Variants in PEX7 observed in about 807,000 individuals in gnomAD.
PEX7 encodes peroxisomal biogenesis factor 7.
Under a neutral mutation model 47.5 loss-of-function variants are expected in PEX7, and 34 were observed. That is an observed-to-expected ratio of 0.72 (90% CI 0.54 to 0.95). The LOEUF (loss-of-function observed/expected upper bound fraction) is 0.95, where lower values mean the gene tolerates loss of function less well. Ranked by LOEUF, PEX7 falls within the 40% of genes least tolerant of loss-of-function variation. PEX7 has a pLI of 0.00. For missense variants in PEX7, 394 were observed against 400.3 expected, an observed-to-expected ratio of 0.98 and a Z score of 0.13; for synonymous variants, 141 against 148.8, an observed-to-expected ratio of 0.95 and a Z score of 0.38.
chr6:136,913,207 A>T (rs1775960260), intron 9 of PEX7, among the ~76,000 whole-genome samples: 1 of 152,200 alleles, frequency 6.6e-6, no homozygotes, highest in Non-Finnish European at 1.5e-5. Context: ...TCTTATAGGA[A>T]ACCTCAGTCA....
At chr6:136,823,269 T>C in intron 1 of PEX7, 2 of 985,380 alleles carry the variant, frequency 2.0e-6, no homozygotes, top group Non-Finnish European at 2.4e-6. Context: ...CTGGCCTTCC[T>C]AAGGACGATG....
At chr6:136,911,415 C>CT (rs373752130) in intron 9 of PEX7, among the ~76,000 whole-genome samples, 32 of 150,878 alleles carry the variant, frequency 2.1e-4, no homozygotes, top group African/African-American at 5.6e-4. Context: ...GGTTGTTTTC[C>CT]TTTTTTTTTA....
At chr6:136,845,573 TTGA>T (rs1340159278) in intron 3 of PEX7, 39 bp from the exon 4 acceptor site, 1 of 1,132,594 alleles carries the variant, frequency 8.8e-7, no homozygotes, top group South Asian at 1.2e-5. Flanking sequence ...AATGTTGAAC[TTGA>T]TGGTCTTTTG....
At chr6:136,853,489 A>C (rs1458648141) in intron 5 of PEX7, among the ~76,000 whole-genome samples, 1 of 152,128 alleles carries the variant, frequency 6.6e-6, no homozygotes, top group Non-Finnish European at 1.5e-5. Context: ...AAACTATACC[A>C]ATGCCCTGAG....
intron 7 of PEX7, among the ~76,000 whole-genome samples, chr6:136,871,669 C>T (rs1387866630): frequency 6.6e-6 from 1 of 152,096 alleles, no homozygotes; most frequent in Non-Finnish European, 1.5e-5. Context: ...AGCAATTCAC[C>T]TGCTTCAGCT....
At chr6:136,872,618 T>G (rs1052547905) in intron 8 of PEX7, among the ~76,000 whole-genome samples, 1 of 152,164 alleles carries the variant, frequency 6.6e-6, no homozygotes, top group Non-Finnish European at 1.5e-5. Flanking sequence ...GTCGTAAGGC[T>G]AAGATTGCTT....
chr6:136,892,266 G>A (rs755390686), intron 8 of PEX7, among the ~76,000 whole-genome samples: 5 of 152,170 alleles, frequency 3.3e-5, no homozygotes, highest in Non-Finnish European at 7.4e-5. Flanking sequence ...TCTTTCTGTA[G>A]TTTGAAGAGT....
intron 6 of PEX7, 99 bp downstream of exon 6, chr6:136,866,832 T>C: frequency 3.0e-6 from 3 of 1,002,834 alleles, no homozygotes; most frequent in Non-Finnish European, 4.6e-6. Flanking sequence ...GTGGTGTTCC[T>C]GGACCATTAA....
chr6:136,913,720 C>T lies in PEX7; in HGVS notation c.*194C>T. On this transcript the variant is annotated 3_prime_UTR_variant, in exon 10 of 10. Transcript: ENST00000318471. ...TGACTCGTTAAGCCTGATACATAAG[C>T]CATATTTAAAATTCTAAGAAATAAT... 3.4e-6 allele frequency: 2 copies of T among 582,144 alleles called. No individual in the cohort carries two copies. Among genetic ancestry groups the T allele is most frequent in the Non-Finnish European group, 6.1e-6 (2 of 328,060 alleles). The allele number at this position is 582,144 out of a possible 1,614,324, so 36.1% of individuals were successfully genotyped here. A position where few individuals can be genotyped will look rare whatever the true frequency, so the allele number is the denominator to read the frequency against.
chr6:136,822,671 T>C lies in PEX7; in HGVS notation c.6T>C (p.Ser2=). Residue 2 remains serine, a synonymous_variant, in exon 1 of 10, where the codon AGT becomes AGC. Coordinates refer to ENST00000318471, the MANE Select transcript of PEX7 (RefSeq NM_000288.4). The stretch of plus-strand genomic sequence containing the variant: ...GGCCGGGGGCGGCGGGCGGGATGAG[T>C]GCGGTGTGCGGTGGAGCGGCGCGGA... M[S]AVCGGAARML... 2.0e-6 allele frequency: 3 copies of C among 1,523,668 alleles called. No individual in the cohort carries two copies. The highest frequency in any genetic ancestry group is 1.2e-5 in the South Asian group (1 of 83,560). The allele number at this position is 1,523,668 out of a possible 1,614,324, so 94.4% of individuals were successfully genotyped here. A position where few individuals can be genotyped will look rare whatever the true frequency, so the allele number is the denominator to read the frequency against.
intron 8 of PEX7, among the ~76,000 whole-genome samples, chr6:136,891,917 G>A (rs1272761865): frequency 6.6e-6 from 1 of 152,018 alleles, no homozygotes; most frequent in South Asian, 2.1e-4. Flanking sequence ...AGTGCTACCG[G>A]GCCCGACCAC....
At chr6:136,824,766 G>T (rs1774157306) in intron 1 of PEX7, among the ~76,000 whole-genome samples, 2 of 152,164 alleles carry the variant, frequency 1.3e-5, no homozygotes, top group Non-Finnish European at 2.9e-5. Flanking sequence ...TTAAAATCCT[G>T]TGTGAGATGT....
At chr6:136,880,888 A>G (rs907945343) in intron 8 of PEX7, among the ~76,000 whole-genome samples, 2 of 152,228 alleles carry the variant, frequency 1.3e-5, no homozygotes, top group Admixed American at 6.5e-5. Context: ...GAATAATCAC[A>G]TGGAGGCTCC....
chr6:136,842,720 C>T (rs866072074), intron 3 of PEX7, among the ~76,000 whole-genome samples: 4 of 152,288 alleles, frequency 2.6e-5, no homozygotes, highest in Non-Finnish European at 5.9e-5. Context: ...AGATGTTTTG[C>T]TCATTAGGAG....
chr6:136,827,935 A>G (rs1248636975), intron 3 of PEX7, among the ~76,000 whole-genome samples: 1 of 150,690 alleles, frequency 6.6e-6, no homozygotes, highest in Non-Finnish European at 1.5e-5. Flanking sequence ...ATCTTTTTAT[A>G]CCACTTGTAT....
At chr6:136,847,316 T>C (rs1324407017) in intron 5 of PEX7, among the ~76,000 whole-genome samples, 1 of 152,044 alleles carries the variant, frequency 6.6e-6, no homozygotes, top group African/African-American at 2.4e-5. Context: ...CTGATGGTAG[T>C]TTCTTTTGCT....
At chr6:136,838,844 T>G (rs1158164856) in intron 3 of PEX7, among the ~76,000 whole-genome samples, 1 of 152,126 alleles carries the variant, frequency 6.6e-6, no homozygotes, top group African/African-American at 2.4e-5. Flanking sequence ...TTCTCTCTAC[T>G]TTTATGCATG....
At chr6:136,839,622 T>G (rs1774458557) in intron 3 of PEX7, among the ~76,000 whole-genome samples, 1 of 152,220 alleles carries the variant, frequency 6.6e-6, no homozygotes, top group Non-Finnish European at 1.5e-5. Context: ...TCTTCCTTTT[T>G]ATATTTAATT....
At chr6:136,864,046 G>A (rs1384361472) in intron 5 of PEX7, among the ~76,000 whole-genome samples, 1 of 152,106 alleles carries the variant, frequency 6.6e-6, no homozygotes, top group Non-Finnish European at 1.5e-5. Flanking sequence ...TCCAGGTCCT[G>A]GTTCTGTTGC....
Sources: allele counts gnomAD v4.1 joint callset (sites outside exome capture counted in the v4.1 genomes callset), GRCh38; gene constraint gnomAD v4.1.1; transcripts MANE v1.5; gene names NCBI Gene and HGNC (gene_info 2026-07-23, HGNC 2026-07-21).